The following NARS2 variants were observed in gnomAD, a reference collection of about 807,000 sequenced individuals.
NARS2 encodes the protein asparaginyl-tRNA synthetase 2, mitochondrial.
NARS2 carries 60 observed loss-of-function variants against 62.9 expected under a neutral mutation model. The observed-to-expected ratio is 0.95, with a 90% confidence interval of 0.77 to 1.18. The LOEUF is 1.18. Among genes scored for constraint, NARS2 ranks in the 50% most tolerant of loss-of-function variants. NARS2 has a pLI of 0.00. For synonymous variants in NARS2, 196 were observed against 200.0 expected, an observed-to-expected ratio of 0.98 and a Z score of 0.17; for missense variants, 619 against 576.4, an observed-to-expected ratio of 1.07 and a Z score of -0.76.
At position 78,566,422 on chromosome 11, in the gene NARS2, T is replaced by C. The variant is rs183567409; in HGVS notation, c.373-150A>G. 6 of 621,678 alleles carry C rather than the reference T, an allele frequency of 9.7e-6. No homozygotes were observed. The South Asian group carries it at 1.5e-4, about 16-fold the overall frequency. The allele number at this position is 621,678 out of a possible 1,614,324, so 38.5% of individuals were successfully genotyped here. Reference sequence around the variant, plus strand: ...TAATATAACTGATTTTAATCCACATTATTTCCACCAGGTAAGTGGAATGGT... The same window carrying C: ...TAATATAACTGATTTTAATCCACATCATTTCCACCAGGTAAGTGGAATGGT... On this transcript the variant is annotated intron_variant, in intron 3 of 13. Transcript: ENST00000281038.
chr11:78,497,241 G>A (rs1192775339), intron 6 of NARS2, among the ~76,000 whole-genome samples: 31 of 107,248 alleles, frequency 2.9e-4, no homozygotes, highest in South Asian at 6.0e-4. Context: ...AAGCAAAATT[G>A]AAAAAAAAAA....
At chr11:78,548,163 G>A (rs1240367851) in intron 5 of NARS2, among the ~76,000 whole-genome samples, 4 of 152,140 alleles carry the variant, frequency 2.6e-5, no homozygotes, top group African/African-American at 9.7e-5. Flanking sequence ...TGCACTGAGC[G>A]ATGACAGTGC....
At chr11:78,457,596 T>C (rs1053214468) in intron 11 of NARS2, among the ~76,000 whole-genome samples, 3 of 152,244 alleles carry the variant, frequency 2.0e-5, no homozygotes, top group African/African-American at 4.8e-5. Context: ...ATAGTTTAGC[T>C]CTGAGAAGCT....
chr11:78,565,018 T>C (rs948572484), intron 4 of NARS2, among the ~76,000 whole-genome samples: 1 of 152,166 alleles, frequency 6.6e-6, no homozygotes, highest in African/African-American at 2.4e-5. Flanking sequence ...TCTGGAGAAG[T>C]ACCACAGGAA....
intron 10 of NARS2, among the ~76,000 whole-genome samples, chr11:78,466,597 C>T (rs967281594): frequency 7.9e-5 from 12 of 152,118 alleles, no homozygotes; most frequent in African/African-American, 2.9e-4. Flanking sequence ...TCTCCTGCCT[C>T]AGCCTCCCAA....
At chr11:78,450,515 G>A (rs566181248) in intron 11 of NARS2, among the ~76,000 whole-genome samples, 4 of 152,124 alleles carry the variant, frequency 2.6e-5, no homozygotes, top group Admixed American at 6.6e-5. Context: ...CTTGACAAGA[G>A]TGCAAAGTTG....
chr11:78,563,407 G>A (rs940714952), intron 4 of NARS2, among the ~76,000 whole-genome samples: 10 of 151,556 alleles, frequency 6.6e-5, no homozygotes, highest in African/African-American at 1.7e-4. Flanking sequence ...TAGTAGACAC[G>A]GGGTATCACC....
intron 9 of NARS2, among the ~76,000 whole-genome samples, chr11:78,477,388 G>A (rs774326742): frequency 6.6e-6 from 1 of 152,050 alleles, no homozygotes; most frequent in African/African-American, 2.4e-5. Context: ...ACTCTCTTAA[G>A]CATTTCCCAA....
intron 6 of NARS2, among the ~76,000 whole-genome samples, chr11:78,505,858 T>G (rs182924732): frequency 6.6e-6 from 1 of 152,184 alleles, no homozygotes. Context: ...AAAAAGACTA[T>G]AATACACTAA....
intron 6 of NARS2, among the ~76,000 whole-genome samples, chr11:78,522,981 A>T (rs1251389114): frequency 6.6e-6 from 1 of 152,234 alleles, no homozygotes; most frequent in Non-Finnish European, 1.5e-5. Context: ...TGCCAACATC[A>T]AGGATGTGAA....
At chr11:78,520,987 C>A (rs761665602) in intron 6 of NARS2, among the ~76,000 whole-genome samples, 1 of 149,430 alleles carries the variant, frequency 6.7e-6, no homozygotes, top group African/African-American at 2.5e-5. Context: ...GAACCCGAGA[C>A]GCAGGGGTTG....
intron 6 of NARS2, among the ~76,000 whole-genome samples, chr11:78,500,675 G>C (rs1860247925): frequency 6.6e-6 from 1 of 152,114 alleles, no homozygotes; most frequent in African/African-American, 2.4e-5. Context: ...GTTTCACCAT[G>C]TTGTAAAGAT....
intron 5 of NARS2, among the ~76,000 whole-genome samples, chr11:78,541,945 T>G (rs1312070817): frequency 2.0e-5 from 3 of 152,246 alleles, no homozygotes; most frequent in Non-Finnish European, 4.4e-5. Context: ...ATGTTAGTTT[T>G]GGGATTTGCC....
intron 6 of NARS2, among the ~76,000 whole-genome samples, chr11:78,510,223 T>C (rs1289930921): frequency 6.6e-6 from 1 of 152,144 alleles, no homozygotes; most frequent in Non-Finnish European, 1.5e-5. Flanking sequence ...AATTATATGC[T>C]GTCTATAAAA....
chr11:78,532,571 G>C (rs774646011), intron 5 of NARS2, among the ~76,000 whole-genome samples: 1 of 152,206 alleles, frequency 6.6e-6, no homozygotes, highest in Non-Finnish European at 1.5e-5. Flanking sequence ...GTGATTGATT[G>C]TAAGACCTAG....
chr11:78,521,059 C>A (rs4351842), intron 6 of NARS2, among the ~76,000 whole-genome samples: 112,366 of 138,968 alleles, frequency 0.81, 44,047 homozygotes, highest in Non-Finnish European at 0.83. Context: ...ACTCTGTCTC[C>A]AAAAAAAAAA....
intron 5 of NARS2, among the ~76,000 whole-genome samples, chr11:78,539,750 C>T (rs893309314): frequency 6.6e-6 from 1 of 152,140 alleles, no homozygotes; most frequent in Non-Finnish European, 1.5e-5. Flanking sequence ...GTCTGTAGAG[C>T]ATTTAGTGGG....
intron 4 of NARS2, among the ~76,000 whole-genome samples, chr11:78,564,091 G>C (rs1002821831): frequency 6.6e-6 from 1 of 151,490 alleles, no homozygotes; most frequent in Admixed American, 6.6e-5. Flanking sequence ...GTAAAGACAG[G>C]GTTTCACCGT....
At chr11:78,532,792 AG>A (rs1027887263) in intron 5 of NARS2, among the ~76,000 whole-genome samples, 30 of 152,284 alleles carry the variant, frequency 2.0e-4, no homozygotes, top group African/African-American at 6.5e-4. Context: ...CCAAATTGAT[AG>A]GGATGCAATT....
Sources: gnomAD v4.1 joint callset for allele counts (sites outside exome capture counted in the v4.1 genomes callset) on GRCh38, gnomAD v4.1.1 for gene constraint, MANE v1.5 for transcripts, NCBI Gene and HGNC (gene_info 2026-07-23, HGNC 2026-07-21) for gene names.